Variants in QRFPR observed in about 807,000 individuals in gnomAD.
The protein encoded by QRFPR is pyroglutamylated RF-amide peptide receptor.
A neutral mutation model predicts 31.3 loss-of-function variants in QRFPR; 37 were observed. The observed-to-expected ratio is 1.18, with a 90% CI of 0.91 to 1.56. QRFPR has a LOEUF of 1.56. Among genes scored for constraint, QRFPR ranks in the 40% most tolerant of loss-of-function variants. QRFPR has a pLI of 0.00. For synonymous variants in QRFPR, 197 were observed against 192.0 expected (o/e 1.03, Z -0.22); for missense variants, 542 against 532.5 (o/e 1.02, Z -0.18).
intron 3 of QRFPR, among the ~76,000 whole-genome samples, chr4:121,333,576 A>G (rs1236726433): frequency 6.6e-6 from 1 of 152,188 alleles, no homozygotes; most frequent in Non-Finnish European, 1.5e-5. Context: ...GAAAGATATT[A>G]AAGAGGCAAC....
chr4:121,370,441 G>C, intron 1 of QRFPR: 1 of 582,836 alleles, frequency 1.7e-6, no homozygotes, highest in South Asian at 1.6e-5. Context: ...TGTTAATGAG[G>C]AACATGGTCC....
intron 1 of QRFPR, chr4:121,369,784 G>C: frequency 6.4e-6 from 10 of 1,571,086 alleles, no homozygotes; most frequent in Non-Finnish European, 8.8e-6. Context: ...ACCAGCCCCT[G>C]GGTCTCTGCT....
At chr4:121,379,278 G>C (rs1215258425) in intron 1 of QRFPR, among the ~76,000 whole-genome samples, 2 of 152,192 alleles carry the variant, frequency 1.3e-5, no homozygotes, top group Non-Finnish European at 2.9e-5. Context: ...CAATGCTCAC[G>C]ATCTCAAATT....
chr4:121,363,972 A>T (rs539406603), intron 1 of QRFPR, among the ~76,000 whole-genome samples: 9 of 150,124 alleles, frequency 6.0e-5, no homozygotes, highest in African/African-American at 2.0e-4. Flanking sequence ...GGAGTGGAGA[A>T]AAGCAACCAG....
rs768479826 is a variant in QRFPR at position 121,332,852 on chromosome 4, T to C, written c.766A>G (p.Ile256Val). ...ATTTTGGACATTTCTTTTCCATGAA[T>C]AGTTCGAAGCACTGAACCATCCCCA... ...RVGDGSVLRT[I>V]HGKEMSKIAR... is the part of the protein sequence containing the mutation. The change falls in exon 4 of 6, where the codon ATT (isoleucine) becomes GTT (valine). Residue 256 changes from isoleucine (I) to valine (V), a missense_variant. Physicochemically the swap from Ile to Val is conservative, Grantham distance 29. Coordinates refer to ENST00000394427, the MANE Select transcript of QRFPR (RefSeq NM_198179.3). 3.7e-6 allele frequency: 6 copies of C among 1,613,814 alleles called. No individual in the cohort carries two copies. Among genetic ancestry groups the C allele is most frequent in the Non-Finnish European group, 5.1e-6 (6 of 1,179,804 alleles).
rs935807134 is a variant in QRFPR at position 121,333,071 on chromosome 4, T to A, written c.562-15A>T. 7.1e-6 allele frequency: 11 copies of A among 1,543,746 alleles called. No individual in the cohort carries two copies. The highest frequency in any genetic ancestry group is 2.7e-5 in the African/African-American group (2 of 73,592). On this transcript the variant is annotated splice_polypyrimidine_tract_variant and intron_variant, in intron 3 of 5. Transcript: ENST00000394427. ...TCATATTTGATCTTCATAATAAGAA[T>A]AATTCATTAAAAGAACCAGTAGTCA...
chr4:121,357,322 A>G (rs1725889626), intron 1 of QRFPR, among the ~76,000 whole-genome samples: 1 of 152,134 alleles, frequency 6.6e-6, no homozygotes, highest in Admixed American at 6.6e-5. Flanking sequence ...AGATCCTAAG[A>G]GAGAGCATGA....
intron 3 of QRFPR, among the ~76,000 whole-genome samples, chr4:121,336,165 T>C (rs760778198): frequency 1.6e-4 from 24 of 152,184 alleles, no homozygotes; most frequent in Non-Finnish European, 3.1e-4. Context: ...CCCTACCGTC[T>C]TTGAAAACTC....
chr4:121,359,078 G>A (rs1352353294), intron 1 of QRFPR, among the ~76,000 whole-genome samples: 4 of 152,070 alleles, frequency 2.6e-5, no homozygotes, highest in African/African-American at 7.2e-5. Flanking sequence ...CAAATCCCAG[G>A]TTTTCCACAA....
Position 121,369,634 on chromosome 4 carries a change from A to G in QRFPR, c.340+10674T>C. ...CTCCTCGGTAGGCCTGGGTGGCAAA[A>G]CTTCCAGAATCATACTTCTGAAGGG... On this transcript the variant is annotated intron_variant, in intron 1 of 5. Coordinates refer to ENST00000394427, the MANE Select transcript of QRFPR (RefSeq NM_198179.3). 7 of 1,606,012 alleles carry G rather than the reference A, an allele frequency of 4.4e-6. No individual in the cohort carries two copies. In the South Asian group the frequency reaches 7.7e-5, roughly 18 times the overall value.
chr4:121,370,939 A>G (rs1726230911), intron 1 of QRFPR, among the ~76,000 whole-genome samples: 2 of 152,200 alleles, frequency 1.3e-5, no homozygotes, highest in Admixed American at 1.3e-4. Flanking sequence ...GCAGCATCAA[A>G]CATTATTTTA....
At chr4:121,369,493 C>G in intron 1 of QRFPR, 1 of 1,318,602 alleles carries the variant, frequency 7.6e-7, no homozygotes, top group South Asian at 1.3e-5. Flanking sequence ...CCCGTGGTGG[C>G]TGTTTCCTCC....
chr4:121,357,678 C>T (rs1209763287), intron 1 of QRFPR, among the ~76,000 whole-genome samples: 1 of 152,204 alleles, frequency 6.6e-6, no homozygotes. Flanking sequence ...TAGATCCACT[C>T]TGAAAGATTG....
chr4:121,330,614 C>G, intron 4 of QRFPR, 91 bp from the exon 5 acceptor site: 7 of 878,960 alleles, frequency 8.0e-6, no homozygotes, highest in Non-Finnish European at 1.1e-5. Context: ...GAGCTTAGTT[C>G]ACTCAAACAT....
At chr4:121,378,407 CTTTT>C (rs34846492) in intron 1 of QRFPR, among the ~76,000 whole-genome samples, 2 of 100,928 alleles carry the variant, frequency 2.0e-5, no homozygotes, top group Non-Finnish European at 3.9e-5. Context: ...GCTCACTGCA[CTTTT>C]TTTTTTTTTT....
intron 1 of QRFPR, among the ~76,000 whole-genome samples, 158 bp downstream of exon 1, chr4:121,380,150 A>AAGAGACAGACGAGAG (rs1201999856): frequency 8.9e-5 from 13 of 146,664 alleles, no homozygotes; most frequent in African/African-American, 3.0e-4. Flanking sequence ...AAGTGTAAGG[A>AAGAGACAGACGAGAG]AGAGACAGAC....
intron 1 of QRFPR, 107 bp downstream of exon 1, chr4:121,380,201 G>A (rs1166865470): frequency 9.5e-6 from 2 of 211,114 alleles, no homozygotes; most frequent in African/African-American, 1.3e-4. Context: ...GAGAGAGAGA[G>A]AGAGAGAGAG....
intron 1 of QRFPR, among the ~76,000 whole-genome samples, chr4:121,342,300 T>A (rs2110471028): frequency 6.6e-6 from 1 of 152,256 alleles, no homozygotes. Context: ...TTGAACTGGA[T>A]CTCCACCACT....
intron 3 of QRFPR, among the ~76,000 whole-genome samples, chr4:121,335,252 A>G (rs1354885142): frequency 6.6e-6 from 1 of 152,174 alleles, no homozygotes; most frequent in Non-Finnish European, 1.5e-5. Context: ...TTTTATTTAA[A>G]AATGGATACA....
Sources: allele counts gnomAD v4.1 joint callset (sites outside exome capture counted in the v4.1 genomes callset), GRCh38; gene constraint gnomAD v4.1.1; transcripts MANE v1.5; gene names NCBI Gene and HGNC (gene_info 2026-07-23, HGNC 2026-07-21).